Variants in GNG7 observed in about 807,000 individuals in gnomAD.
GNG7 encodes the protein G protein subunit gamma 7.
GNG7 carries 1 observed loss-of-function variant against 4.0 expected under a neutral mutation model. The ratio of observed to expected loss-of-function variants is 0.25; its 90% confidence interval spans 0.09 to 1.18. The LOEUF (loss-of-function observed/expected upper bound fraction) is 1.18, where lower values mean the gene tolerates loss of function less well. Ranked by LOEUF, GNG7 falls within the 50% of genes most tolerant of loss-of-function variation. GNG7 has a pLI of 0.50. For synonymous variants in GNG7, 34 were observed against 36.9 expected (o/e 0.92, Z 0.29); for missense variants, 86 against 91.9 (o/e 0.94, Z 0.26).
At chr19:2,632,296 T>C (rs1982178989) in intron 2 of GNG7, among the ~76,000 whole-genome samples, 1 of 151,612 alleles carries the variant, frequency 6.6e-6, no homozygotes, top group African/African-American at 2.4e-5. Flanking sequence ...AGGCGTGGTG[T>C]CAGGCACCTG....
chr19:2,622,740 G>A (rs1274431348), intron 2 of GNG7, among the ~76,000 whole-genome samples: 2 of 148,582 alleles, frequency 1.3e-5, no homozygotes, highest in African/African-American at 2.6e-5. Context: ...GGAGGCTTCC[G>A]GGATGGGGAA....
intron 4 of GNG7, among the ~76,000 whole-genome samples, chr19:2,520,100 G>C (rs1422765099): frequency 6.6e-6 from 1 of 152,240 alleles, no homozygotes; most frequent in Non-Finnish European, 1.5e-5. Flanking sequence ...AGAATTGCTT[G>C]AACCCGGGAG....
chr19:2,541,198 C>T (rs767595934), intron 3 of GNG7, among the ~76,000 whole-genome samples: 33 of 152,126 alleles, frequency 2.2e-4, no homozygotes, highest in Non-Finnish European at 1.2e-4. Flanking sequence ...AGGTTGGGTG[C>T]GGTGGCTCGT....
At chr19:2,661,289 A>AG (rs796761668) in intron 1 of GNG7, among the ~76,000 whole-genome samples, 15,054 of 65,478 alleles carry the variant, frequency 0.23, 1,819 homozygotes, top group East Asian at 0.43. Flanking sequence ...AAAGAAAGAA[A>AG]GAAAGAAAGA....
At chr19:2,565,384 C>T (rs1056713856) in intron 2 of GNG7, among the ~76,000 whole-genome samples, 1 of 151,870 alleles carries the variant, frequency 6.6e-6, no homozygotes, top group East Asian at 1.9e-4. Flanking sequence ...TGGTGGCACA[C>T]GCCTGTAATT....
At chr19:2,589,551 T>G (rs1349225685) in intron 2 of GNG7, among the ~76,000 whole-genome samples, 1 of 151,228 alleles carries the variant, frequency 6.6e-6, no homozygotes, top group East Asian at 1.9e-4. Context: ...GCTCTCGGAG[T>G]CTTCCACGTG....
At chr19:2,555,997 C>T (rs1473821302) in intron 2 of GNG7, among the ~76,000 whole-genome samples, 2 of 152,220 alleles carry the variant, frequency 1.3e-5, no homozygotes, top group Non-Finnish European at 1.5e-5. Context: ...TCCTGACTCC[C>T]ACTAAGGTCT....
chr19:2,601,766 G>A (rs963446340), intron 2 of GNG7, among the ~76,000 whole-genome samples: 1 of 151,854 alleles, frequency 6.6e-6, no homozygotes, highest in African/African-American at 2.4e-5. Context: ...AATTAGCCGG[G>A]CATGGTGGTG....
Position 2,514,178 on chromosome 19 carries a change from C to T in GNG7, c.*844G>A, listed in dbSNP as rs1252027299. On this transcript the variant is annotated 3_prime_UTR_variant, in exon 5 of 5. Transcript: ENST00000382159. ...TGCAGCTGCACTCCAGCCTGGGTAACAAGAATGAAACTCCATCTCAAAAAA... is the reference window on the plus strand; with the variant it reads ...TGCAGCTGCACTCCAGCCTGGGTAATAAGAATGAAACTCCATCTCAAAAAA... The T allele has an allele frequency of 6.8e-6, 1 of 147,378 alleles. No homozygotes were observed. The highest frequency in any genetic ancestry group is 1.5e-5 in the Non-Finnish European group (1 of 67,048). The allele number at this position is 147,378 out of a possible 1,614,324, so 9.1% of individuals were successfully genotyped here. A position where few individuals can be genotyped will look rare whatever the true frequency, so the allele number is the denominator to read the frequency against.
At chr19:2,537,166 G>C (rs1341036682) in intron 3 of GNG7, among the ~76,000 whole-genome samples, 2 of 150,780 alleles carry the variant, frequency 1.3e-5, no homozygotes, top group Non-Finnish European at 2.9e-5. Flanking sequence ...AGCCAGGATG[G>C]TCTCCATCTC....
chr19:2,578,591 C>T (rs1005955592), intron 2 of GNG7, among the ~76,000 whole-genome samples: 3 of 152,162 alleles, frequency 2.0e-5, no homozygotes, highest in Admixed American at 1.3e-4. Flanking sequence ...GCTAACCAGG[C>T]CGGAGAAGCT....
chr19:2,629,101 G>A (rs1453846735), intron 2 of GNG7, among the ~76,000 whole-genome samples: 2 of 152,196 alleles, frequency 1.3e-5, no homozygotes. Context: ...CCCCCAAGGA[G>A]CACGTACTAT....
At chr19:2,679,498 G>A (rs1173135686) in intron 1 of GNG7, among the ~76,000 whole-genome samples, 1 of 152,082 alleles carries the variant, frequency 6.6e-6, no homozygotes, top group African/African-American at 2.4e-5. Context: ...TTCCTATCCT[G>A]TCTGACACAC....
chr19:2,548,341 T>C (rs1486033364), intron 3 of GNG7, among the ~76,000 whole-genome samples: 1 of 149,834 alleles, frequency 6.7e-6, no homozygotes, highest in Non-Finnish European at 1.5e-5. Flanking sequence ...ATTTGCTGGG[T>C]GTGGTGGCGG....
At chr19:2,625,503 T>C (rs1981997922) in intron 2 of GNG7, among the ~76,000 whole-genome samples, 1 of 151,596 alleles carries the variant, frequency 6.6e-6, no homozygotes, top group African/African-American at 2.4e-5. Context: ...CGTGAGCCAC[T>C]GCTCCCAGAT....
intron 3 of GNG7, among the ~76,000 whole-genome samples, chr19:2,534,983 T>A (rs1446830467): frequency 1.3e-5 from 2 of 152,174 alleles, no homozygotes; most frequent in African/African-American, 4.8e-5. Flanking sequence ...TCCAGAAACA[T>A]TCTCACAGAC....
chr19:2,572,280 C>T (rs764161255), intron 2 of GNG7, among the ~76,000 whole-genome samples: 2 of 151,604 alleles, frequency 1.3e-5, no homozygotes, highest in Non-Finnish European at 2.9e-5. Context: ...CAGCTTCCCA[C>T]GTATCTGGGA....
At chr19:2,518,332 T>C (rs1485561662) in intron 4 of GNG7, among the ~76,000 whole-genome samples, 2 of 152,110 alleles carry the variant, frequency 1.3e-5, no homozygotes, top group Non-Finnish European at 1.5e-5. Context: ...CCGCCCGGGC[T>C]GGGGGCTGGC....
intron 3 of GNG7, among the ~76,000 whole-genome samples, chr19:2,550,847 G>A (rs560045731): frequency 6.6e-6 from 1 of 152,284 alleles, no homozygotes; most frequent in African/African-American, 2.4e-5. Flanking sequence ...CAGGGGGCAC[G>A]GGAGAGGTAT....
Sources: gnomAD v4.1 joint callset for allele counts (sites outside exome capture counted in the v4.1 genomes callset) on GRCh38, gnomAD v4.1.1 for gene constraint, MANE v1.5 for transcripts, NCBI Gene and HGNC (gene_info 2026-07-23, HGNC 2026-07-21) for gene names.